The following SPNS3 variants were observed in gnomAD, a reference collection of about 807,000 sequenced individuals.
The protein encoded by SPNS3 is protein spinster homolog 3.
Under a neutral mutation model 54.4 loss-of-function variants are expected in SPNS3, and 51 were observed. The observed-to-expected ratio is 0.94, with a 90% CI of 0.75 to 1.18. The LOEUF is 1.18. SPNS3 is among the 50% of genes most tolerant of loss of function. The probability of loss-of-function intolerance (pLI) is 0.00; values close to 1 mark genes in which losing one functional copy is unlikely to be tolerated. For missense variants in SPNS3, 669 were observed against 677.4 expected, an observed-to-expected ratio of 0.99 and a Z score of 0.14; for synonymous variants, 309 against 294.7, an observed-to-expected ratio of 1.05 and a Z score of -0.50.
chr17:4,488,104 A>G lies in SPNS3; in HGVS notation c.*210A>G, dbSNP rs1220706955. 1.7e-6 allele frequency: 1 copy of G among 585,506 alleles called. No individual in the cohort carries two copies. The highest frequency in any genetic ancestry group is 3.0e-6 in the Non-Finnish European group (1 of 329,108). 36.3% of individuals were successfully genotyped at this position (585,506 alleles called of 1,614,324 possible). On this transcript the variant is annotated 3_prime_UTR_variant, in exon 12 of 12. Coordinates refer to ENST00000355530, the MANE Select transcript of SPNS3 (RefSeq NM_182538.5). ...GTGGGAGGCCTGGGCCTGTGCCTGC[A>G]TCCCGCTCAAGGCTGCCCCAGCCTG...
At chr17:4,470,189 G>C (rs1382345780) in intron 8 of SPNS3, among the ~76,000 whole-genome samples, 1 of 152,166 alleles carries the variant, frequency 6.6e-6, no homozygotes, top group African/African-American at 2.4e-5. Flanking sequence ...AGCACTTTGG[G>C]AGGCCGAGGT....
intron 7 of SPNS3, among the ~76,000 whole-genome samples, chr17:4,450,855 G>A (rs1420890115): frequency 1.3e-5 from 2 of 149,280 alleles, no homozygotes. Context: ...TGACTGGCCC[G>A]CCTCAGCCTC....
chr17:4,452,454 C>T (rs1029174750), intron 7 of SPNS3, among the ~76,000 whole-genome samples: 4 of 151,638 alleles, frequency 2.6e-5, no homozygotes, highest in Non-Finnish European at 4.4e-5. Context: ...GGGAAAGGGA[C>T]GGAAGTCAGG....
intron 1 of SPNS3, among the ~76,000 whole-genome samples, 188 bp downstream of exon 1, chr17:4,434,354 C>T (rs529464171): frequency 1.3e-5 from 2 of 152,276 alleles, no homozygotes; most frequent in African/African-American, 4.8e-5. Flanking sequence ...GTTCCCAATC[C>T]AGCCTCAACT....
At chr17:4,448,475 A>T (rs1194585929) in intron 6 of SPNS3, among the ~76,000 whole-genome samples, 172 bp downstream of exon 6, 2 of 152,054 alleles carry the variant, frequency 1.3e-5, no homozygotes, top group Non-Finnish European at 2.9e-5. Flanking sequence ...TCCCTCCCTT[A>T]GGGCTCAGCC....
chr17:4,440,686 T>C (rs1970826820), intron 2 of SPNS3, among the ~76,000 whole-genome samples: 1 of 152,148 alleles, frequency 6.6e-6, no homozygotes, highest in African/African-American at 2.4e-5. Flanking sequence ...CTGGATGTGC[T>C]GCTCCTGGGT....
At chr17:4,446,818 C>T (rs935681015) in intron 4 of SPNS3, 78 bp from the exon 5 acceptor site, 5 of 1,419,826 alleles carry the variant, frequency 3.5e-6, no homozygotes, top group Non-Finnish European at 4.0e-6. Context: ...GGGGGGGCAC[C>T]CTGGGTCAGG....
In SPNS3 at chr17:4,439,704, T is replaced by G. The variant is rs143373312; in HGVS notation, c.246T>G (p.His82Gln). ...AGGTTTTCCAGATCAGTGACAACCA[T>G]GCTGGTTTGCTTCAGACTGGTAAGG... ...IQEVFQISDN[H>Q]AGLLQTVFVS... The change falls in exon 2 of 12, where the codon CAT becomes CAG. Residue 82 changes from histidine (H) to glutamine (Q), a missense_variant. Transcript: ENST00000355530. 1 of 1,613,016 alleles carries G rather than the reference T, an allele frequency of 6.2e-7. No homozygotes were observed. The highest frequency in any genetic ancestry group is 8.5e-7 in the Non-Finnish European group (1 of 1,179,618).
Position 4,446,216 on chromosome 17 carries a change from G to C in SPNS3, c.554+17G>C. The C allele has an allele frequency of 2.5e-6, 4 of 1,597,224 alleles. No individual in the cohort carries two copies. Among genetic ancestry groups the C allele is most frequent in the Non-Finnish European group, 3.4e-6 (4 of 1,167,490 alleles). ...CGTTGGAAGGTTGGTATCACCCGTGGGTCTACTTCCCCAGGTGGTAAACTG... is the reference window on the plus strand; with the variant it reads ...CGTTGGAAGGTTGGTATCACCCGTGCGTCTACTTCCCCAGGTGGTAAACTG... On this transcript the variant is annotated intron_variant, in intron 4 of 11. Coordinates refer to ENST00000355530, the MANE Select transcript of SPNS3 (RefSeq NM_182538.5).
At chr17:4,482,770 C>T (rs1321624236) in intron 9 of SPNS3, among the ~76,000 whole-genome samples, 2 of 152,180 alleles carry the variant, frequency 1.3e-5, no homozygotes, top group Admixed American at 6.5e-5. Flanking sequence ...GTCTTCAGCT[C>T]CCTCCCAGCC....
Position 4,448,214 on chromosome 17 carries a change from A to AC in SPNS3, c.685dup (p.Arg229ProfsTer21). The AC allele has an allele frequency of 2.5e-6, 4 of 1,602,466 alleles. No homozygotes were observed. The highest frequency in any genetic ancestry group is 3.4e-6 in the Non-Finnish European group (4 of 1,174,810). On this transcript the variant is annotated frameshift_variant, in exon 6 of 12. Coordinates refer to ENST00000355530, the MANE Select transcript of SPNS3 (RefSeq NM_182538.5). LOFTEE classifies it high-confidence loss of function. ...TGCTTATCCTGCTGGTTCCAGACCC[A>AC]CCCCGGGGAGCTGCCGAGACACAGG...
chr17:4,487,802 G>A lies in SPNS3; in HGVS notation c.1451-4G>A. ...GGGCAGGCTGAGCATCTTTCCTCCT[G>A]CAGGGACCCCAGACAGCAATGATGT... On this transcript the variant is annotated splice_polypyrimidine_tract_variant and splice_region_variant and intron_variant, in intron 11 of 11. Transcript: ENST00000355530. 1 of 1,613,892 alleles carries A rather than the reference G, an allele frequency of 6.2e-7. No individual in the cohort carries two copies. Among genetic ancestry groups the A allele is most frequent in the South Asian group, 1.1e-5 (1 of 91,074 alleles).
intron 2 of SPNS3, among the ~76,000 whole-genome samples, chr17:4,440,730 T>C (rs78183947): frequency 0.1 from 15,372 of 152,088 alleles, 980 homozygotes; most frequent in African/African-American, 0.18. Context: ...CAGAGGCCCC[T>C]GCGTGGATGC....
intron 8 of SPNS3, among the ~76,000 whole-genome samples, chr17:4,455,244 C>T (rs888471921): frequency 2.0e-5 from 3 of 152,216 alleles, no homozygotes; most frequent in Non-Finnish European, 4.4e-5. Flanking sequence ...GACCAGAAAA[C>T]TGCCTTGGGA....
chr17:4,442,917 G>C (rs77015906), intron 2 of SPNS3, among the ~76,000 whole-genome samples: 16,201 of 152,118 alleles, frequency 0.11, 1,026 homozygotes, highest in African/African-American at 0.18. Flanking sequence ...TGAATTAGGA[G>C]ACCTTGGGAA....
chr17:4,442,266 G>A (rs1052236136), intron 2 of SPNS3, among the ~76,000 whole-genome samples: 7 of 151,996 alleles, frequency 4.6e-5, no homozygotes, highest in South Asian at 2.1e-4. Context: ...GGCTGGGCAC[G>A]GTGGCTCACG....
At chr17:4,468,880 C>T (rs1441719033) in intron 8 of SPNS3, among the ~76,000 whole-genome samples, 1 of 151,576 alleles carries the variant, frequency 6.6e-6, no homozygotes, top group Non-Finnish European at 1.5e-5. Context: ...CCTCCACCTC[C>T]CGGGTTCAAG....
intron 8 of SPNS3, among the ~76,000 whole-genome samples, chr17:4,474,391 C>T (rs138606321): frequency 1.1e-4 from 16 of 152,252 alleles, no homozygotes; most frequent in Admixed American, 2.6e-4. Context: ...GCAAAGAGAT[C>T]GTCCGTGAGG....
At position 4,439,645 on chromosome 17, in the gene SPNS3, C is replaced by G. The variant is rs370729494; in HGVS notation, c.200-13C>G. Reference sequence around the variant, plus strand: ...TACTTCCCGTTTCCTGAGCACTGTCCCTCTGTCTGCAGGAGTGCTGCTGGA... The same window carrying G: ...TACTTCCCGTTTCCTGAGCACTGTCGCTCTGTCTGCAGGAGTGCTGCTGGA... On this transcript the variant is annotated splice_polypyrimidine_tract_variant and intron_variant, in intron 1 of 11. Coordinates refer to ENST00000355530, the MANE Select transcript of SPNS3 (RefSeq NM_182538.5). 2.5e-6 allele frequency: 4 copies of G among 1,611,500 alleles called. No individual in the cohort carries two copies. Among genetic ancestry groups the G allele is most frequent in the Admixed American group, 1.7e-5 (1 of 59,676 alleles).
Sources: gnomAD v4.1 joint callset for allele counts (sites outside exome capture counted in the v4.1 genomes callset) on GRCh38, gnomAD v4.1.1 for gene constraint, MANE v1.5 for transcripts, NCBI Gene and HGNC (gene_info 2026-07-23, HGNC 2026-07-21) for gene names.